The following TAFA1 variants were observed in gnomAD, a reference collection of about 807,000 sequenced individuals.
The protein encoded by TAFA1 is chemokine-like protein TAFA-1.
A neutral mutation model predicts 18.5 loss-of-function variants in TAFA1; 4 were observed. The observed-to-expected ratio is 0.22, with a 90% CI of 0.11 to 0.49. The LOEUF is 0.49. Among genes scored for constraint, TAFA1 ranks in the 20% least tolerant of loss-of-function variants. The probability of loss-of-function intolerance (pLI) is 0.98; values close to 1 mark genes in which losing one functional copy is unlikely to be tolerated. For missense variants in TAFA1, 147 were observed against 169.0 expected (o/e 0.87, Z 0.72); for synonymous variants, 56 against 55.2 (o/e 1.01, Z -0.06).
chr3:68,132,630 T>C (rs2065555571), intron 2 of TAFA1, among the ~76,000 whole-genome samples: 1 of 152,230 alleles, frequency 6.6e-6, no homozygotes, highest in East Asian at 1.9e-4. Flanking sequence ...TGACCAGTGA[T>C]GATGAGCTTT....
At chr3:68,346,952 A>C (rs186420099) in intron 2 of TAFA1, among the ~76,000 whole-genome samples, 1 of 152,148 alleles carries the variant, frequency 6.6e-6, no homozygotes, top group Non-Finnish European at 1.5e-5. Context: ...CCAAGATCCT[A>C]AGATCTTTCT....
chr3:68,414,045 C>A (rs538378597), intron 2 of TAFA1, among the ~76,000 whole-genome samples: 2 of 152,152 alleles, frequency 1.3e-5, no homozygotes, highest in Admixed American at 1.3e-4. Context: ...TGGCTCACAC[C>A]AGTAATCCCA....
intron 2 of TAFA1, among the ~76,000 whole-genome samples, chr3:68,055,899 G>A (rs1700327025): frequency 6.6e-6 from 1 of 152,014 alleles, no homozygotes. Flanking sequence ...TCTTTTCTCT[G>A]CCTGCAGAAG....
chr3:68,423,613 A>C (rs901972436), intron 3 of TAFA1, among the ~76,000 whole-genome samples: 2 of 152,002 alleles, frequency 1.3e-5, no homozygotes, highest in African/African-American at 4.8e-5. Flanking sequence ...TTGCACTTTC[A>C]TTGTTATGGA....
At chr3:68,217,088 AG>A (rs2066669513) in intron 2 of TAFA1, among the ~76,000 whole-genome samples, 1 of 152,062 alleles carries the variant, frequency 6.6e-6, no homozygotes, top group African/African-American at 2.4e-5. Flanking sequence ...AAAGTGAGTG[AG>A]GGGAAGAATA....
At chr3:68,340,594 G>C (rs2069063472) in intron 2 of TAFA1, among the ~76,000 whole-genome samples, 1 of 151,630 alleles carries the variant, frequency 6.6e-6, no homozygotes, top group South Asian at 2.1e-4. Context: ...CACATATTCT[G>C]TGTATTTTCC....
chr3:68,198,491 A>G lies in TAFA1; in HGVS notation c.118+191747A>G, dbSNP rs181382808. On this transcript the variant is annotated intron_variant, in intron 2 of 4. Coordinates refer to ENST00000478136, the MANE Select transcript of TAFA1 (RefSeq NM_213609.4). Reference sequence around the variant, plus strand: ...TGTAATATTTTGCATTCCCACCAGCAATGGTTAAGAGTTCCTGTTGTTCCA... The same window carrying G: ...TGTAATATTTTGCATTCCCACCAGCGATGGTTAAGAGTTCCTGTTGTTCCA... Among the ~76,000 whole-genome samples, 18 of 151,792 alleles carry G rather than the reference A, an allele frequency of 1.2e-4. No individual in the cohort carries two copies. The East Asian group carries it at 3.3e-3, about 28-fold the overall frequency.
intron 2 of TAFA1, among the ~76,000 whole-genome samples, chr3:68,318,164 A>G (rs191646361): frequency 1.8e-3 from 267 of 152,304 alleles, no homozygotes; most frequent in Non-Finnish European, 1.7e-3. Flanking sequence ...ATGTACAGAC[A>G]TTCACACACT....
At chr3:68,520,272 C>A (rs1219788787) in intron 3 of TAFA1, among the ~76,000 whole-genome samples, 2 of 152,080 alleles carry the variant, frequency 1.3e-5, no homozygotes, top group African/African-American at 4.8e-5. Flanking sequence ...GTGGCTCGGG[C>A]TCAAGTAGAG....
At chr3:68,041,733 A>G (rs1705169505) in intron 2 of TAFA1, among the ~76,000 whole-genome samples, 1 of 152,208 alleles carries the variant, frequency 6.6e-6, no homozygotes, top group South Asian at 2.1e-4. Flanking sequence ...TCCCACTATA[A>G]ACCAGAGTTT....
At chr3:68,241,088 T>A (rs1215731437) in intron 2 of TAFA1, among the ~76,000 whole-genome samples, 1 of 152,136 alleles carries the variant, frequency 6.6e-6, no homozygotes, top group Non-Finnish European at 1.5e-5. Context: ...CTATTTAAAC[T>A]AAAGAATGAA....
intron 3 of TAFA1, among the ~76,000 whole-genome samples, chr3:68,492,489 T>G (rs2072471261): frequency 2.0e-5 from 3 of 152,180 alleles, no homozygotes; most frequent in African/African-American, 7.2e-5. Flanking sequence ...TCTCCCTGAA[T>G]TCATCTGATC....
At chr3:68,498,731 T>G (rs1321444859) in intron 3 of TAFA1, among the ~76,000 whole-genome samples, 1 of 35,412 alleles carries the variant, frequency 2.8e-5, no homozygotes, top group Non-Finnish European at 6.1e-5. Context: ...GCTTTTTTTT[T>G]TTTTTTTTTT....
chr3:68,502,447 T>G (rs2072674549), intron 3 of TAFA1, among the ~76,000 whole-genome samples: 1 of 152,124 alleles, frequency 6.6e-6, no homozygotes, highest in Non-Finnish European at 1.5e-5. Flanking sequence ...TCCTAATTAT[T>G]TCAGACCATT....
intron 3 of TAFA1, among the ~76,000 whole-genome samples, chr3:68,432,150 C>T (rs917632632): frequency 6.6e-6 from 1 of 151,868 alleles, no homozygotes; most frequent in Non-Finnish European, 1.5e-5. Context: ...TTTGCTTTCT[C>T]CCTTTTCTCC....
At chr3:68,496,342 G>C (rs1012899010) in intron 3 of TAFA1, among the ~76,000 whole-genome samples, 1 of 152,236 alleles carries the variant, frequency 6.6e-6, no homozygotes, top group South Asian at 2.1e-4. Flanking sequence ...TGTTAGAGAA[G>C]TCTGAACTTC....
chr3:68,484,391 C>T (rs979607449), intron 3 of TAFA1, among the ~76,000 whole-genome samples: 3 of 151,890 alleles, frequency 2.0e-5, no homozygotes, highest in African/African-American at 4.8e-5. Flanking sequence ...GCTATTGCAG[C>T]GGTCTAGGTG....
At chr3:68,002,361 T>C (rs1704292702), upstream of TAFA1, among the ~76,000 whole-genome samples, 1 of 152,226 alleles carries the variant, frequency 6.6e-6, no homozygotes, top group African/African-American at 2.4e-5. Context: ...TTGAATGTAA[T>C]CCATTAGGTG....
chr3:68,162,141 G>A (rs1041509636), intron 2 of TAFA1, among the ~76,000 whole-genome samples: 2 of 151,770 alleles, frequency 1.3e-5, no homozygotes, highest in Non-Finnish European at 2.9e-5. Flanking sequence ...AGCAGAAGAG[G>A]GCCATTCAGT....
Sources: gnomAD v4.1 joint callset for allele counts (sites outside exome capture counted in the v4.1 genomes callset) on GRCh38, gnomAD v4.1.1 for gene constraint, MANE v1.5 for transcripts, NCBI Gene and HGNC (gene_info 2026-07-23, HGNC 2026-07-21) for gene names.